CNTNAP2: variants seen among roughly 807,000 people sequenced by gnomAD.
The protein encoded by CNTNAP2 is contactin-associated protein-like 2.
CNTNAP2 carries 98 observed loss-of-function variants against 155.2 expected under a neutral mutation model. That is an observed-to-expected ratio of 0.63 (90% CI 0.54 to 0.75). CNTNAP2 has a LOEUF of 0.75. CNTNAP2 is among the 30% of genes least tolerant of loss of function. The probability of loss-of-function intolerance (pLI) is 0.00; values close to 1 mark genes in which losing one functional copy is unlikely to be tolerated. For synonymous variants in CNTNAP2, 651 were observed against 631.2 expected (o/e 1.03, Z -0.47); for missense variants, 1,727 against 1,688.1 (o/e 1.02, Z -0.40).
intron 15 of CNTNAP2, among the ~76,000 whole-genome samples, chr7:148,080,820 A>T (rs1803588875): frequency 6.6e-6 from 1 of 152,184 alleles, no homozygotes; most frequent in African/African-American, 2.4e-5. Flanking sequence ...TCAAATGTCA[A>T]CATACGTGGG....
At chr7:146,737,263 C>T (rs948338221) in intron 1 of CNTNAP2, among the ~76,000 whole-genome samples, 78 of 152,208 alleles carry the variant, frequency 5.1e-4, no homozygotes, top group Admixed American at 2.2e-3. Flanking sequence ...CATTACCTCA[C>T]ATAGTTATCT....
intron 1 of CNTNAP2, among the ~76,000 whole-genome samples, chr7:146,499,460 A>G (rs1300246098): frequency 1.3e-5 from 2 of 152,186 alleles, no homozygotes; most frequent in Non-Finnish European, 1.5e-5. Flanking sequence ...TTATTATTGT[A>G]ATTTGGTAGT....
At chr7:147,050,655 C>CT (rs1183282638) in intron 4 of CNTNAP2, among the ~76,000 whole-genome samples, 1 of 152,200 alleles carries the variant, frequency 6.6e-6, no homozygotes. Context: ...CACACACTAA[C>CT]TCCCCTCACT....
At chr7:146,668,931 T>C (rs148141695) in intron 1 of CNTNAP2, among the ~76,000 whole-genome samples, 3 of 152,286 alleles carry the variant, frequency 2.0e-5, no homozygotes, top group Non-Finnish European at 2.9e-5. Context: ...ATTTCAATCA[T>C]TTTAATTCTT....
At chr7:147,848,076 T>G (rs1470640839) in intron 13 of CNTNAP2, among the ~76,000 whole-genome samples, 2 of 124,868 alleles carry the variant, frequency 1.6e-5, no homozygotes, top group African/African-American at 5.9e-5. Flanking sequence ...CCCCCAGAGG[T>G]GGAGCCTACA....
chr7:147,617,603 T>C (rs1801317335), intron 12 of CNTNAP2, among the ~76,000 whole-genome samples: 1 of 152,192 alleles, frequency 6.6e-6, no homozygotes, highest in Admixed American at 6.5e-5. Flanking sequence ...AAAAATTTTA[T>C]GCTTGGTTTG....
chr7:146,122,635 A>G (rs1477645247), intron 1 of CNTNAP2, among the ~76,000 whole-genome samples: 2 of 142,350 alleles, frequency 1.4e-5, no homozygotes, highest in Admixed American at 1.4e-4. Flanking sequence ...TACTCTGGTT[A>G]GGACTTCCAA....
At chr7:148,132,539 T>C (rs192638771) in intron 16 of CNTNAP2, among the ~76,000 whole-genome samples, 251 of 152,322 alleles carry the variant, frequency 1.6e-3, no homozygotes, top group Non-Finnish European at 3.0e-3. Context: ...TAAAGAGCTC[T>C]GCTGTTGCTG....
intron 1 of CNTNAP2, among the ~76,000 whole-genome samples, chr7:146,456,854 T>C (rs1796562542): frequency 6.6e-6 from 1 of 152,198 alleles, no homozygotes; most frequent in South Asian, 2.1e-4. Flanking sequence ...GCAATTTTGC[T>C]TTAATGGGAT....
At chr7:147,399,543 G>A (rs936939783) in intron 10 of CNTNAP2, among the ~76,000 whole-genome samples, 1 of 152,156 alleles carries the variant, frequency 6.6e-6, no homozygotes, top group Non-Finnish European at 1.5e-5. Flanking sequence ...GCTAAGAACA[G>A]CAGGAAGAAA....
chr7:148,312,262 A>G lies in CNTNAP2; in HGVS notation c.3475+45136A>G, dbSNP rs530474411. ...CTAACCATGCCTAGGAAGGAAAGGA[A>G]TTGTTGTTTTGTAGAAGGGATTGGG... is the stretch of plus-strand genomic sequence containing the variant. On this transcript the variant is annotated intron_variant, in intron 21 of 23. Transcript: ENST00000361727. Among the ~76,000 whole-genome samples, 502 of 152,206 alleles carry G rather than the reference A, an allele frequency of 3.3e-3. 6 individuals carry two copies. Among genetic ancestry groups the G allele is most frequent in the African/African-American group, 0.011 (451 of 41,540 alleles).
At chr7:146,323,999 TTTCTC>T (rs559103562) in intron 1 of CNTNAP2, among the ~76,000 whole-genome samples, 11 of 152,168 alleles carry the variant, frequency 7.2e-5, no homozygotes, top group Non-Finnish European at 1.3e-4. Flanking sequence ...CCTAAAGACA[TTTCTC>T]TTATAAGGAC....
intron 8 of CNTNAP2, among the ~76,000 whole-genome samples, chr7:147,221,074 A>G (rs1248987781): frequency 6.6e-6 from 1 of 151,984 alleles, no homozygotes; most frequent in African/African-American, 2.4e-5. Context: ...GCATTTATAT[A>G]TAATCCAAGC....
chr7:147,051,708 A>G (rs1054356680), intron 4 of CNTNAP2, among the ~76,000 whole-genome samples: 22 of 152,084 alleles, frequency 1.4e-4, no homozygotes, highest in Admixed American at 5.9e-4. Flanking sequence ...ACAAATTATT[A>G]TGTTGCTTAG....
At chr7:148,196,494 C>T (rs1476038970) in intron 18 of CNTNAP2, among the ~76,000 whole-genome samples, 1 of 152,040 alleles carries the variant, frequency 6.6e-6, no homozygotes, top group African/African-American at 2.4e-5. Context: ...CTGGTAGGCA[C>T]AGAATAGTAA....
chr7:147,283,221 G>A (rs1412071193), intron 8 of CNTNAP2, among the ~76,000 whole-genome samples: 1 of 151,632 alleles, frequency 6.6e-6, no homozygotes, highest in East Asian at 1.9e-4. Context: ...GTATTTTTAT[G>A]TTGTACATTA....
chr7:148,131,371 A>G (rs1804828492), intron 16 of CNTNAP2, among the ~76,000 whole-genome samples: 1 of 152,168 alleles, frequency 6.6e-6, no homozygotes, highest in Non-Finnish European at 1.5e-5. Flanking sequence ...TGCTGGGATT[A>G]CAGGCATAAG....
intron 9 of CNTNAP2, among the ~76,000 whole-genome samples, chr7:147,312,176 G>T (rs576855116): frequency 4.6e-5 from 7 of 151,758 alleles, no homozygotes; most frequent in Non-Finnish European, 8.8e-5. Flanking sequence ...TCTACTTTGG[G>T]TTCCCTTTGT....
At chr7:147,748,609 C>G (rs149359245) in intron 13 of CNTNAP2, among the ~76,000 whole-genome samples, 12 of 152,316 alleles carry the variant, frequency 7.9e-5, no homozygotes, top group African/African-American at 2.9e-4. Context: ...CTCCCTGCAC[C>G]TCAGGTCTAC....
Sources: allele counts gnomAD v4.1 joint callset (sites outside exome capture counted in the v4.1 genomes callset), GRCh38; gene constraint gnomAD v4.1.1; transcripts MANE v1.5; gene names NCBI Gene and HGNC (gene_info 2026-07-23, HGNC 2026-07-21).